Variants in TNFRSF10A observed in about 807,000 individuals in gnomAD.
TNFRSF10A encodes the protein tumor necrosis factor receptor superfamily member 10A.
A neutral mutation model predicts 42.8 loss-of-function variants in TNFRSF10A; 44 were observed. That is an observed-to-expected ratio of 1.03 (90% CI 0.81 to 1.32). The LOEUF is 1.32. Ranked by LOEUF, TNFRSF10A falls within the 40% of genes most tolerant of loss-of-function variation. TNFRSF10A has a pLI of 0.00. For synonymous variants in TNFRSF10A, 259 were observed against 234.2 expected (o/e 1.11, Z -0.97); for missense variants, 680 against 602.0 (o/e 1.13, Z -1.36).
Position 23,224,901 on chromosome 8 carries a change from G to C in TNFRSF10A, c.161C>G (p.Ala54Gly). Residue 54 changes from alanine (A) to glycine (G), a missense_variant, in exon 1 of 10, where the codon GCG becomes GGG. Coordinates refer to ENST00000221132, the MANE Select transcript of TNFRSF10A (RefSeq NM_003844.4). ...RIEPRGGGRG[A>G]LPTSMGQHGP... ...GTGCTGTCCCATGGAGGTAGGGAGC[G>C]CTCCTCGGCCCCCGCCTCGTGGTTC... is the stretch of plus-strand genomic sequence containing the variant. 6.3e-7 allele frequency: 1 copy of C among 1,594,308 alleles called. No homozygotes were observed. Among genetic ancestry groups the C allele is most frequent in the Non-Finnish European group, 8.5e-7 (1 of 1,170,702 alleles).
At chr8:23,205,500 G>A (rs1268697109) in intron 2 of TNFRSF10A, among the ~76,000 whole-genome samples, 2 of 152,008 alleles carry the variant, frequency 1.3e-5, no homozygotes, top group Non-Finnish European at 2.9e-5. Flanking sequence ...TGTTATTTTA[G>A]AGTGTACTCC....
chr8:23,218,655 C>A (rs1801216811), intron 1 of TNFRSF10A, among the ~76,000 whole-genome samples: 2 of 152,022 alleles, frequency 1.3e-5, no homozygotes, highest in African/African-American at 2.4e-5. Context: ...GTACCCCCAG[C>A]AGTGACCCAG....
At chr8:23,209,142 TC>T (rs1801058337) in intron 2 of TNFRSF10A, among the ~76,000 whole-genome samples, 1 of 152,164 alleles carries the variant, frequency 6.6e-6, no homozygotes, top group South Asian at 2.1e-4. Flanking sequence ...CCTTGGCAGC[TC>T]CCACATGGTG....
chr8:23,220,917 T>C (rs1801247617), intron 1 of TNFRSF10A, among the ~76,000 whole-genome samples: 1 of 152,200 alleles, frequency 6.6e-6, no homozygotes, highest in Non-Finnish European at 1.5e-5. Flanking sequence ...CTCTTCAAAC[T>C]GCAACCAGTG....
chr8:23,221,663 G>A (rs1460844408), intron 1 of TNFRSF10A, among the ~76,000 whole-genome samples: 1 of 152,172 alleles, frequency 6.6e-6, no homozygotes, highest in East Asian at 1.9e-4. Flanking sequence ...GCAGAGGTGC[G>A]ACTGCAGTCT....
chr8:23,203,142 A>G (rs1005885983), intron 2 of TNFRSF10A, among the ~76,000 whole-genome samples: 1 of 152,208 alleles, frequency 6.6e-6, no homozygotes, highest in African/African-American at 2.4e-5. Flanking sequence ...TTCGAAACCC[A>G]GAGTGTATTT....
At chr8:23,210,934 G>C (rs1035200687) in intron 2 of TNFRSF10A, among the ~76,000 whole-genome samples, 1 of 152,036 alleles carries the variant, frequency 6.6e-6, no homozygotes, top group African/African-American at 2.4e-5. Flanking sequence ...ACCTGATAAA[G>C]AATATCTACA....
At chr8:23,224,438 C>T (rs1280339021) in intron 1 of TNFRSF10A, 1 of 385,136 alleles carries the variant, frequency 2.6e-6, no homozygotes, top group Non-Finnish European at 4.7e-6. Context: ...CACACTTGAG[C>T]TCTATCGATT....
chr8:23,194,826 A>C (rs1800800661), intron 9 of TNFRSF10A, among the ~76,000 whole-genome samples: 1 of 152,188 alleles, frequency 6.6e-6, no homozygotes, highest in Non-Finnish European at 1.5e-5. Context: ...TTGTCATTGG[A>C]TTACAGAGAA....
rs904680412 is a variant in TNFRSF10A, at chr8:23,224,757, T to G, written c.305A>C (p.Gln102Pro). 14 of 1,563,954 alleles carry G rather than the reference T, an allele frequency of 9.0e-6. No homozygotes were observed. In the African/African-American group the frequency reaches 1.8e-4, roughly 20 times the overall value. ...FKFVVVGVLL[Q>P]VVPSSAATIK... ...GGCAGGACCGCGGTGGGGACTCACC[T>G]GCAGCAGGACCCCGACGACGACAAA... The change falls in exon 1 of 10, where the codon CAG (glutamine) becomes CCG (proline). Residue 102 changes from glutamine (Q) to proline (P), a missense_variant and splice_region_variant. Gln to Pro is a moderately conservative substitution (Grantham distance 76, BLOSUM62 -1). Coordinates refer to ENST00000221132, the MANE Select transcript of TNFRSF10A (RefSeq NM_003844.4).
intron 9 of TNFRSF10A, among the ~76,000 whole-genome samples, 189 bp downstream of exon 9, chr8:23,196,943 A>G (rs1280952640): frequency 3.3e-5 from 5 of 152,088 alleles, no homozygotes; most frequent in Non-Finnish European, 5.9e-5. Flanking sequence ...TAGGGTGCAG[A>G]AAGGATGAGG....
rs189358348 is a variant in TNFRSF10A at position 23,220,414 on chromosome 8, G to A, written c.306+4342C>T. ...GAAATTCTGAAGGCTCTGAAGCTTAGACACTCAGGCTATCAAAGAGCCCAG... is the reference window on the plus strand; with the variant it reads ...GAAATTCTGAAGGCTCTGAAGCTTAAACACTCAGGCTATCAAAGAGCCCAG... On this transcript the variant is annotated intron_variant, in intron 1 of 9. Transcript: ENST00000221132. 1.3e-4 allele frequency among the ~76,000 whole-genome samples: 20 copies of A among 152,342 alleles called. 1 individual carries two copies. The highest frequency in any genetic ancestry group is 6.8e-3 in the Middle Eastern group (2 of 294).
In TNFRSF10A at chr8:23,191,975, G is replaced by GA; in HGVS notation, c.1125_1126insT (p.Pro376SerfsTer3). The GA allele has an allele frequency of 1.2e-6, 2 of 1,614,112 alleles. No homozygotes were observed. The highest frequency in any genetic ancestry group is 1.7e-6 in the Non-Finnish European group (2 of 1,180,042). ...ATGAGCTGGTCCCAGGAGTCAAAGGGCACGATGTTTGCAAACTTGTCAAAG... is the reference window on the plus strand; with the variant it reads ...ATGAGCTGGTCCCAGGAGTCAAAGGGACACGATGTTTGCAAACTTGTCAAAG... On this transcript the variant is annotated frameshift_variant, in exon 10 of 10. Transcript: ENST00000221132. LOFTEE classifies it low-confidence loss of function (END_TRUNC).
intron 6 of TNFRSF10A, 101 bp from the exon 7 acceptor site, chr8:23,200,018 C>T (rs1754616493): frequency 1.4e-6 from 2 of 1,468,722 alleles, no homozygotes; most frequent in Admixed American, 3.5e-5. Flanking sequence ...GGCTGGGACA[C>T]TGGACAAAGA....
chr8:23,221,382 G>A (rs1016020684), intron 1 of TNFRSF10A, among the ~76,000 whole-genome samples: 1 of 152,202 alleles, frequency 6.6e-6, no homozygotes, highest in Non-Finnish European at 1.5e-5. Context: ...CCAATCTCTG[G>A]GCTCTGATAG....
intron 9 of TNFRSF10A, 87 bp from the exon 10 acceptor site, chr8:23,192,100 A>C (rs1800763570): frequency 1.3e-6 from 2 of 1,518,154 alleles, no homozygotes; most frequent in Non-Finnish European, 1.8e-6. Context: ...CCCAGAACCC[A>C]AGGAGAGAAC....
Position 23,207,710 on chromosome 8 carries a change from T to C in TNFRSF10A, c.403+4406A>G, listed in dbSNP as rs955771107. ...AATGAGTAAGTCTCATAAGATCTGA[T>C]GGTTATTATAAGGGGGAGTTTTCCT... is the stretch of plus-strand genomic sequence containing the variant. On this transcript the variant is annotated intron_variant, in intron 2 of 9. Transcript: ENST00000221132. Among the ~76,000 whole-genome samples, 7 of 152,042 alleles carry C rather than the reference T, an allele frequency of 4.6e-5. No homozygotes were observed. In the East Asian group the frequency reaches 1.3e-3, roughly 29 times the overall value.
chr8:23,200,085 C>T (rs1275878551), intron 6 of TNFRSF10A, among the ~76,000 whole-genome samples, 168 bp from the exon 7 acceptor site: 1 of 152,030 alleles, frequency 6.6e-6, no homozygotes, highest in Non-Finnish European at 1.5e-5. Flanking sequence ...CCTTCAGGAG[C>T]GGGGAGCATA....
At position 23,191,587 on chromosome 8, in the gene TNFRSF10A, A is replaced by G; in HGVS notation, c.*107T>C. 1 of 1,426,350 alleles carries G rather than the reference A, an allele frequency of 7.0e-7. No individual in the cohort carries two copies. The highest frequency in any genetic ancestry group is 9.2e-7 in the Non-Finnish European group (1 of 1,091,536). 88.4% of individuals were successfully genotyped at this position (1,426,350 alleles called of 1,614,324 possible). On this transcript the variant is annotated 3_prime_UTR_variant, in exon 10 of 10. Coordinates refer to ENST00000221132, the MANE Select transcript of TNFRSF10A (RefSeq NM_003844.4). ...AGTGCTGGGATTACAGGCATGAGCC[A>G]CTACACCTGGCTAAGAATTTACTTT... is the stretch of plus-strand genomic sequence containing the variant.
Sources: allele counts gnomAD v4.1 joint callset (sites outside exome capture counted in the v4.1 genomes callset), GRCh38; gene constraint gnomAD v4.1.1; transcripts MANE v1.5; gene names NCBI Gene and HGNC (gene_info 2026-07-23, HGNC 2026-07-21).